The following PTPRD variants were observed in gnomAD, a reference collection of about 807,000 sequenced individuals.
PTPRD encodes the protein protein tyrosine phosphatase receptor type D, also known as receptor-type tyrosine-protein phosphatase delta.
PTPRD carries 34 observed loss-of-function variants against 214.5 expected under a neutral mutation model. The observed-to-expected ratio is 0.16, with a 90% confidence interval of 0.12 to 0.21. The LOEUF (loss-of-function observed/expected upper bound fraction) is 0.21. Among genes scored for constraint, PTPRD ranks in the 10% least tolerant of loss-of-function variants. The pLI, the probability that PTPRD is intolerant of heterozygous loss-of-function variation, is 1.00. For missense variants in PTPRD, 2,545 were observed against 2,398.7 expected, an observed-to-expected ratio of 1.06 and a Z score of -1.27; for synonymous variants, 1,128 against 845.7, an observed-to-expected ratio of 1.33 and a Z score of -5.79.
chr9:8,799,008 A>G (rs2096511165), intron 11 of PTPRD, among the ~76,000 whole-genome samples: 1 of 152,168 alleles, frequency 6.6e-6, no homozygotes, highest in South Asian at 2.1e-4. Context: ...CAAAGATCCA[A>G]TAAAGTGGTA....
At chr9:10,476,301 T>A (rs970236094) in intron 2 of PTPRD, among the ~76,000 whole-genome samples, 1 of 152,078 alleles carries the variant, frequency 6.6e-6, no homozygotes, top group Non-Finnish European at 1.5e-5. Flanking sequence ...GGACACAAAA[T>A]CAATTTGCAA....
chr9:8,852,220 T>G (rs1439409608), intron 11 of PTPRD, among the ~76,000 whole-genome samples: 1 of 152,122 alleles, frequency 6.6e-6, no homozygotes, highest in African/African-American at 2.4e-5. Flanking sequence ...TACTGCTACA[T>G]TAAAGAACAT....
chr9:9,292,199 C>T (rs1214185542), intron 9 of PTPRD, among the ~76,000 whole-genome samples: 2 of 150,688 alleles, frequency 1.3e-5, no homozygotes, highest in Non-Finnish European at 3.0e-5. Flanking sequence ...TTTTCTTTCC[C>T]ATATCTCTCT....
intron 39 of PTPRD, among the ~76,000 whole-genome samples, chr9:8,342,749 T>G (rs1479806267): frequency 6.6e-6 from 1 of 152,042 alleles, no homozygotes; most frequent in Non-Finnish European, 1.5e-5. Context: ...CTCTGCTAAG[T>G]GAAATAGGGG....
intron 4 of PTPRD, among the ~76,000 whole-genome samples, chr9:10,029,843 G>A (rs2154129881): frequency 6.6e-6 from 1 of 152,240 alleles, no homozygotes; most frequent in South Asian, 2.1e-4. Context: ...TAAGATTTGG[G>A]AGGGGCCAGG....
intron 9 of PTPRD, among the ~76,000 whole-genome samples, chr9:9,377,898 G>C (rs1005668039): frequency 6.6e-6 from 1 of 151,492 alleles, no homozygotes; most frequent in African/African-American, 2.4e-5. Flanking sequence ...TTTTTGTTTT[G>C]TTGTTGTTTC....
intron 39 of PTPRD, among the ~76,000 whole-genome samples, chr9:8,365,024 G>A (rs563788710): frequency 6.6e-6 from 1 of 152,230 alleles, no homozygotes; most frequent in Admixed American, 6.5e-5. Flanking sequence ...GGACCATACT[G>A]CAGTGGAAAA....
chr9:8,620,301 AAAG>A (rs1207485849), intron 14 of PTPRD, among the ~76,000 whole-genome samples: 4 of 152,052 alleles, frequency 2.6e-5, no homozygotes, highest in East Asian at 1.9e-4. Flanking sequence ...CAAACGCTTT[AAAG>A]AAGAAGCCTA....
At chr9:9,805,257 T>C (rs2099065671) in intron 5 of PTPRD, among the ~76,000 whole-genome samples, 1 of 152,148 alleles carries the variant, frequency 6.6e-6, no homozygotes, top group Non-Finnish European at 1.5e-5. Flanking sequence ...AGAAGTAATA[T>C]ATAAAGTGCT....
At position 8,526,641 on chromosome 9, in the gene PTPRD, C is replaced by A; in HGVS notation, c.554G>T (p.Gly185Val). 1 of 1,574,206 alleles carries A rather than the reference C, an allele frequency of 6.4e-7. No individual in the cohort carries two copies. The highest frequency in any genetic ancestry group is 1.2e-5 in the South Asian group (1 of 84,562). ...AGCACTCTTACCTCTTATTGGTGTA[C>A]CACCTGGGTGGATAATATGAATGCA... is the stretch of plus-strand genomic sequence containing the variant. ...IKQLRSESIG[G>V]TPIRGALQIE... Residue 185 changes from glycine to valine, a missense_variant, in exon 17 of 46, where the codon GGT (glycine) becomes GTT (valine). Physicochemically the swap from Gly to Val is moderately radical, Grantham distance 109. Coordinates refer to ENST00000381196, the MANE Select transcript of PTPRD (RefSeq NM_002839.4).
chr9:10,361,689 T>A (rs1329154004), intron 2 of PTPRD, among the ~76,000 whole-genome samples: 1 of 152,182 alleles, frequency 6.6e-6, no homozygotes, highest in East Asian at 1.9e-4. Context: ...TACTATTATA[T>A]GATCGTTCAT....
intron 3 of PTPRD, among the ~76,000 whole-genome samples, chr9:10,308,193 T>C (rs1596648445): frequency 6.6e-6 from 1 of 152,062 alleles, no homozygotes; most frequent in East Asian, 1.9e-4. Context: ...TTTTGTAATT[T>C]CACCTCTTGC....
intron 2 of PTPRD, among the ~76,000 whole-genome samples, chr9:10,498,752 G>GAATATCTATTCCCTCA (rs1566536769): frequency 0.16 from 9,744 of 61,360 alleles, 4,770 homozygotes; most frequent in Non-Finnish European, 0.18. Flanking sequence ...AAACCTTCTT[G>GAATATCTATTCCCTCA]GCCGGGCGCG....
intron 2 of PTPRD, among the ~76,000 whole-genome samples, chr9:10,347,037 T>C (rs1002572225): frequency 6.6e-6 from 1 of 152,084 alleles, no homozygotes; most frequent in Non-Finnish European, 1.5e-5. Context: ...GGAAAAAAAA[T>C]AAAAATTATC....
At chr9:10,201,846 G>C (rs1022803874) in intron 3 of PTPRD, among the ~76,000 whole-genome samples, 1 of 151,772 alleles carries the variant, frequency 6.6e-6, no homozygotes, top group African/African-American at 2.4e-5. Flanking sequence ...TCTGATTTTT[G>C]AAATAAGAAA....
rs773867975 is a variant in PTPRD at position 8,341,682 on chromosome 9, CA to C, written c.4947+10del. The C allele has an allele frequency of 2.3e-5, 37 of 1,612,620 alleles. No homozygotes were observed. The highest frequency in any genetic ancestry group is 3.1e-5 in the Non-Finnish European group (37 of 1,179,206). On this transcript the variant is annotated intron_variant, in intron 40 of 45. Transcript: ENST00000381196. Reference sequence around the variant, plus strand: ...TGCTCCTGAATAACCACATCACATCCAATACCATACCTTAAATTCGAGCTCC... The same window carrying C: ...TGCTCCTGAATAACCACATCACATCCATACCATACCTTAAATTCGAGCTCC...
chr9:8,895,203 A>C (rs1221942710), intron 11 of PTPRD, among the ~76,000 whole-genome samples: 2 of 152,220 alleles, frequency 1.3e-5, no homozygotes, highest in African/African-American at 2.4e-5. Context: ...TGAAAGAATG[A>C]CAATGTTTCC....
At chr9:10,456,977 G>A (rs190995607) in intron 2 of PTPRD, among the ~76,000 whole-genome samples, 5 of 151,832 alleles carry the variant, frequency 3.3e-5, no homozygotes, top group African/African-American at 1.2e-4. Flanking sequence ...ACTGTATACT[G>A]GTTTCAGAAT....
rs181129695 is a variant in PTPRD at position 8,763,874 on chromosome 9, A to T, written c.-103-29928T>A. ...AAGCCACAAAATGTATTTCCTTTTT[A>T]AAAATTCTCTCTCATTAGCTTACTA... On this transcript the variant is annotated intron_variant, in intron 11 of 45. Transcript: ENST00000381196. Among the ~76,000 whole-genome samples, 717 of 152,292 alleles carry T rather than the reference A, an allele frequency of 4.7e-3. 5 individuals are homozygous for T. The highest frequency in any genetic ancestry group is 0.017 in the African/African-American group (688 of 41,562).
Sources: allele counts gnomAD v4.1 joint callset (sites outside exome capture counted in the v4.1 genomes callset), GRCh38; gene constraint gnomAD v4.1.1; transcripts MANE v1.5; gene names NCBI Gene and HGNC (gene_info 2026-07-23, HGNC 2026-07-21).